WDR72: variants seen among roughly 807,000 people sequenced by gnomAD.
WDR72 encodes the protein WD repeat domain 72.
A neutral mutation model predicts 124.2 loss-of-function variants in WDR72; 120 were observed. The observed-to-expected ratio is 0.97, with a 90% CI of 0.83 to 1.12. WDR72 has a LOEUF of 1.12. Among genes scored for constraint, WDR72 ranks in the 50% most tolerant of loss-of-function variants. WDR72 has a pLI of 0.00. For synonymous variants in WDR72, 452 were observed against 441.7 expected (o/e 1.02, Z -0.29); for missense variants, 1,387 against 1,278.8 (o/e 1.08, Z -1.29).
At chr15:53,551,610 T>A (rs545990467) in intron 18 of WDR72, among the ~76,000 whole-genome samples, 1 of 152,262 alleles carries the variant, frequency 6.6e-6, no homozygotes, top group South Asian at 2.1e-4. Context: ...AAACATACAA[T>A]TCTTATGCTA....
rs1203826125 is a variant in WDR72, at chr15:53,691,616, CAGACAGATAGATAGATAGAT to C, written c.1765+8114_1765+8133del. Among the ~76,000 whole-genome samples, 201 of 65,548 alleles carry C rather than the reference CAGACAGATAGATAGATAGAT, an allele frequency of 3.1e-3. 3 individuals are homozygous for C. The highest frequency in any genetic ancestry group is 8.1e-3 in the East Asian group (27 of 3,342). 43.0% of individuals were successfully genotyped at this position (65,548 alleles called of 152,430 possible). Reference sequence around the variant, plus strand: ...GTAAAATGATAGACAGACAGACAGACAGACAGATAGATAGATAGATAGATAGATAGATAGATAGATAGATA... The same window carrying C: ...GTAAAATGATAGACAGACAGACAGACAGATAGATAGATAGATAGATAGATA... On this transcript the variant is annotated intron_variant, in intron 13 of 19. Transcript: ENST00000360509.
chr15:53,570,245 G>A (rs184928730), intron 18 of WDR72, among the ~76,000 whole-genome samples: 79 of 142,010 alleles, frequency 5.6e-4, no homozygotes, highest in African/African-American at 2.0e-3. Context: ...AATAACATAT[G>A]TATTACCTCA....
At chr15:53,689,632 T>A (rs2016769741) in intron 13 of WDR72, among the ~76,000 whole-genome samples, 1 of 148,110 alleles carries the variant, frequency 6.8e-6, no homozygotes, top group South Asian at 2.2e-4. Context: ...TGTAAACTAG[T>A]TCAACCATTG....
chr15:53,627,082 TGA>T (rs112457466), intron 14 of WDR72, among the ~76,000 whole-genome samples: 2,086 of 152,196 alleles, frequency 0.014, 47 homozygotes, highest in African/African-American at 0.048. Context: ...TAAGGAAAAA[TGA>T]GAGAGAGAAG....
At chr15:53,757,977 T>TTC (rs5812712) in intron 1 of WDR72, among the ~76,000 whole-genome samples, 238 of 148,750 alleles carry the variant, frequency 1.6e-3, no homozygotes, top group Middle Eastern at 0.01. Flanking sequence ...AGAGTTTATT[T>TTC]TCTCTCTCTC....
At chr15:53,532,003 TAA>T (rs1892501705) in intron 18 of WDR72, among the ~76,000 whole-genome samples, 1 of 152,074 alleles carries the variant, frequency 6.6e-6, no homozygotes, top group South Asian at 2.1e-4. Context: ...CACATTTGAG[TAA>T]AGTTTGGGAA....
At chr15:53,605,012 C>G (rs2013214117) in intron 17 of WDR72, among the ~76,000 whole-genome samples, 1 of 152,180 alleles carries the variant, frequency 6.6e-6, no homozygotes, top group East Asian at 1.9e-4. Context: ...GAATATAAAT[C>G]ATTCTATTAT....
intron 14 of WDR72, among the ~76,000 whole-genome samples, chr15:53,644,471 T>C (rs1032729454): frequency 3.9e-5 from 6 of 152,186 alleles, no homozygotes; most frequent in African/African-American, 1.2e-4. Context: ...GCTGTGCTCA[T>C]ACTGCACCAA....
intron 14 of WDR72, among the ~76,000 whole-genome samples, chr15:53,653,847 T>C (rs2015325716): frequency 6.6e-6 from 1 of 152,120 alleles, no homozygotes; most frequent in South Asian, 2.1e-4. Flanking sequence ...AAAGATACTC[T>C]TGCTAAGAAA....
chr15:53,731,347 C>T (rs2018197236), intron 2 of WDR72, among the ~76,000 whole-genome samples: 1 of 151,944 alleles, frequency 6.6e-6, no homozygotes, highest in African/African-American at 2.4e-5. Context: ...TTGCTTCTTC[C>T]ACTCTCACCA....
intron 16 of WDR72, among the ~76,000 whole-genome samples, chr15:53,611,418 C>T (rs553605348): frequency 6.6e-6 from 1 of 152,022 alleles, no homozygotes; most frequent in African/African-American, 2.4e-5. Flanking sequence ...TAGCAATCCC[C>T]TGTCTTTGCA....
At chr15:53,653,332 T>C (rs1023354479) in intron 14 of WDR72, among the ~76,000 whole-genome samples, 4 of 152,146 alleles carry the variant, frequency 2.6e-5, no homozygotes, top group African/African-American at 9.7e-5. Flanking sequence ...CCTTTGAACT[T>C]ACACTGGAGT....
Position 53,716,664 on chromosome 15 carries a change from G to A in WDR72, c.282C>T (p.Val94=). The change falls in exon 4 of 20, where the codon GTC becomes GTT. Residue 94 remains valine (V), a synonymous_variant. Transcript: ENST00000360509. Reference sequence around the variant, plus strand: ...CCTTCTCCATGCACTGTCCATTGGTGACATTCCAAACACACATCTCCCTAG... The same window carrying A: ...CCTTCTCCATGCACTGTCCATTGGTAACATTCCAAACACACATCTCCCTAG... ...AENGEMCVWN[V]TNGQCMEKAT... 5 of 1,607,064 alleles carry A rather than the reference G, an allele frequency of 3.1e-6. No individual in the cohort carries two copies. The highest frequency in any genetic ancestry group is 4.3e-6 in the Non-Finnish European group (5 of 1,174,580).
At chr15:53,747,526 A>T (rs561989727) in intron 1 of WDR72, among the ~76,000 whole-genome samples, 1 of 152,218 alleles carries the variant, frequency 6.6e-6, no homozygotes, top group Middle Eastern at 3.2e-3. Context: ...CAAATGTGCA[A>T]ATTAATCTTT....
intron 13 of WDR72, among the ~76,000 whole-genome samples, chr15:53,674,696 G>C (rs146050768): frequency 4.3e-4 from 65 of 152,232 alleles, no homozygotes; most frequent in African/African-American, 1.5e-3. Flanking sequence ...GTACTATATA[G>C]AGGCCCTAAT....
intron 14 of WDR72, among the ~76,000 whole-genome samples, chr15:53,631,470 G>C (rs1434650524): frequency 6.6e-6 from 1 of 152,182 alleles, no homozygotes; most frequent in African/African-American, 2.4e-5. Flanking sequence ...CTGAGGAGTG[G>C]AGCATTGCTG....
chr15:53,725,801 G>A (rs2057067674), intron 2 of WDR72, among the ~76,000 whole-genome samples: 1 of 152,118 alleles, frequency 6.6e-6, no homozygotes, highest in Non-Finnish European at 1.5e-5. Flanking sequence ...TGGGGAGCAG[G>A]AGATAAATAG....
chr15:53,663,649 G>A lies in WDR72; in HGVS notation c.1962+1923C>T, dbSNP rs117592102. On this transcript the variant is annotated intron_variant, in intron 14 of 19. Transcript: ENST00000360509. ...AGACCCTAGACATCTGAAACGCATAGGTCAAGAGACATTCCCCCGGTTCTC... is the reference window on the plus strand; with the variant it reads ...AGACCCTAGACATCTGAAACGCATAAGTCAAGAGACATTCCCCCGGTTCTC... Among the ~76,000 whole-genome samples, 1,427 of 152,160 alleles carry A rather than the reference G, an allele frequency of 9.4e-3. 18 individuals are homozygous for A. The highest frequency in any genetic ancestry group is 0.013 in the South Asian group (63 of 4,824).
At chr15:53,567,711 A>T (rs1894351385) in intron 18 of WDR72, among the ~76,000 whole-genome samples, 1 of 151,948 alleles carries the variant, frequency 6.6e-6, no homozygotes, top group Non-Finnish European at 1.5e-5. Flanking sequence ...GTTTAAACTG[A>T]TCTTTATAGG....
Sources: allele counts gnomAD v4.1 joint callset (sites outside exome capture counted in the v4.1 genomes callset), GRCh38; gene constraint gnomAD v4.1.1; transcripts MANE v1.5; gene names NCBI Gene and HGNC (gene_info 2026-07-23, HGNC 2026-07-21).